The following DPP10 variants were observed in gnomAD, a reference collection of about 807,000 sequenced individuals.
The protein encoded by DPP10 is inactive dipeptidyl peptidase 10.
In DPP10, 33 loss-of-function variants were observed where a neutral mutation model predicts 120.9. The ratio of observed to expected loss-of-function variants is 0.27; its 90% confidence interval spans 0.21 to 0.37. DPP10 has a LOEUF of 0.37. Among genes scored for constraint, DPP10 ranks in the 10% least tolerant of loss-of-function variants. The pLI is 1.00. For synonymous variants in DPP10, 337 were observed against 326.1 expected, an observed-to-expected ratio of 1.03 and a Z score of -0.36; for missense variants, 816 against 942.8, an observed-to-expected ratio of 0.87 and a Z score of 1.76.
Position 114,805,816 on chromosome 2 carries a change from G to C in DPP10, c.60+362978G>C, listed in dbSNP as rs1283515286. Among the ~76,000 whole-genome samples, 7 of 152,124 alleles carry C rather than the reference G, an allele frequency of 4.6e-5. No individual in the cohort carries two copies. The South Asian group carries it at 6.2e-4, about 14-fold the overall frequency. On this transcript the variant is annotated intron_variant, in intron 1 of 25. Transcript: ENST00000410059. ...GGACAATTAAATGCTTGACCTGAAAGTGACACATTGCACTTTCACTTACAA... is the reference window on the plus strand; with the variant it reads ...GGACAATTAAATGCTTGACCTGAAACTGACACATTGCACTTTCACTTACAA...
rs182982935 is a variant in DPP10 at position 115,672,952 on chromosome 2, C to T, written c.442-16735C>T. On this transcript the variant is annotated intron_variant, in intron 5 of 25. Transcript: ENST00000410059. ...TTAGTAGAGACTGGGTTGCACCACG[C>T]TGGCCAGGCTGGTCTCAAACTCCTG... Among the ~76,000 whole-genome samples the T allele has an allele frequency of 4.9e-3, 745 of 151,892 alleles. 4 individuals carry two copies. Among genetic ancestry groups the T allele is most frequent in the African/African-American group, 0.017 (701 of 41,432 alleles).
intron 2 of DPP10, among the ~76,000 whole-genome samples, chr2:115,317,688 G>A (rs1229931317): frequency 7.4e-5 from 11 of 147,782 alleles, no homozygotes; most frequent in African/African-American, 2.5e-4. Flanking sequence ...TATCTCATTT[G>A]GTTTTAATTT....
intron 1 of DPP10, among the ~76,000 whole-genome samples, chr2:114,848,653 T>C (rs1179825506): frequency 6.6e-6 from 1 of 152,204 alleles, no homozygotes; most frequent in East Asian, 1.9e-4. Context: ...ATGAAGTTAC[T>C]GTGATACATA....
At chr2:114,743,308 A>C (rs1306266911) in intron 1 of DPP10, among the ~76,000 whole-genome samples, 1 of 152,200 alleles carries the variant, frequency 6.6e-6, no homozygotes, top group African/African-American at 2.4e-5. Context: ...CTTCGGGAAG[A>C]AGGCAATATC....
chr2:115,192,274 T>C (rs572071776), intron 1 of DPP10, among the ~76,000 whole-genome samples: 51 of 152,372 alleles, frequency 3.3e-4, no homozygotes, highest in African/African-American at 1.2e-3. Context: ...TGGTCTACTA[T>C]TACTAATAAA....
At chr2:115,720,695 G>T (rs1000531750) in intron 7 of DPP10, among the ~76,000 whole-genome samples, 1 of 152,072 alleles carries the variant, frequency 6.6e-6, no homozygotes, top group Non-Finnish European at 1.5e-5. Context: ...TTTCACTGAA[G>T]AATTTCCATG....
chr2:114,775,027 C>T (rs569264022), intron 1 of DPP10, among the ~76,000 whole-genome samples: 5 of 152,026 alleles, frequency 3.3e-5, no homozygotes, highest in Admixed American at 6.6e-5. Context: ...GATAACCCAA[C>T]CAGTAAGTGG....
chr2:114,769,453 G>A (rs1381536645), intron 1 of DPP10, among the ~76,000 whole-genome samples: 2 of 152,192 alleles, frequency 1.3e-5, no homozygotes, highest in African/African-American at 4.8e-5. Flanking sequence ...AGGGAAGCTA[G>A]CATCAGTGAG....
intron 2 of DPP10, among the ~76,000 whole-genome samples, chr2:115,334,931 T>G (rs2063031095): frequency 6.6e-6 from 1 of 151,678 alleles, no homozygotes; most frequent in Admixed American, 6.6e-5. Context: ...TTTTTTTTGG[T>G]TCTACTACTG....
intron 1 of DPP10, among the ~76,000 whole-genome samples, chr2:114,512,727 A>G (rs1201310349): frequency 1.3e-5 from 2 of 152,190 alleles, no homozygotes; most frequent in Non-Finnish European, 2.9e-5. Flanking sequence ...GTCATCACCA[A>G]AGCATGAGCA....
intron 5 of DPP10, among the ~76,000 whole-genome samples, chr2:115,673,603 G>A (rs1456520603): frequency 2.6e-5 from 4 of 152,142 alleles, no homozygotes; most frequent in Non-Finnish European, 5.9e-5. Context: ...AATATCTCCT[G>A]ATACATTTCT....
intron 1 of DPP10, among the ~76,000 whole-genome samples, chr2:114,755,876 A>G (rs186533500): frequency 1.7e-3 from 252 of 151,756 alleles, no homozygotes; most frequent in African/African-American, 5.9e-3. Flanking sequence ...TTTAAGACCA[A>G]TTGAAGTCAA....
chr2:114,775,892 TATCA>T (rs1407703749), intron 1 of DPP10, among the ~76,000 whole-genome samples: 54 of 152,262 alleles, frequency 3.5e-4, no homozygotes, highest in Non-Finnish European at 6.8e-4. Flanking sequence ...CTCAAGGAAC[TATCA>T]CTTTGGGTGA....
At chr2:115,425,085 A>C (rs1315443455) in intron 3 of DPP10, among the ~76,000 whole-genome samples, 2 of 152,206 alleles carry the variant, frequency 1.3e-5, no homozygotes, top group African/African-American at 4.8e-5. Flanking sequence ...AAGTTCATAA[A>C]AAGGAAAAAG....
intron 5 of DPP10, among the ~76,000 whole-genome samples, chr2:115,566,551 G>A (rs114245698): frequency 0.011 from 1,721 of 152,122 alleles, 36 homozygotes; most frequent in African/African-American, 0.039. Context: ...TGGCCAGTGG[G>A]ATCCAGTTCA....
chr2:115,286,214 T>C (rs1333290546), intron 1 of DPP10, among the ~76,000 whole-genome samples: 1 of 151,638 alleles, frequency 6.6e-6, no homozygotes, highest in African/African-American at 2.4e-5. Flanking sequence ...GCAATGGTTT[T>C]TAATAACATT....
At chr2:115,288,339 A>T (rs2105911753) in intron 1 of DPP10, among the ~76,000 whole-genome samples, 1 of 152,056 alleles carries the variant, frequency 6.6e-6, no homozygotes, top group Middle Eastern at 3.4e-3. Context: ...CTTTTGAGAA[A>T]TATCTGTTCA....
intron 3 of DPP10, among the ~76,000 whole-genome samples, chr2:115,431,309 T>G (rs1216289185): frequency 6.6e-6 from 1 of 152,066 alleles, no homozygotes; most frequent in Non-Finnish European, 1.5e-5. Flanking sequence ...GAGCATCGGT[T>G]TGAGTAACAA....
chr2:115,658,382 G>C (rs754665461), intron 5 of DPP10, among the ~76,000 whole-genome samples: 1 of 151,348 alleles, frequency 6.6e-6, no homozygotes, highest in Non-Finnish European at 1.5e-5. Flanking sequence ...AGGTCAACTT[G>C]ACAACCCCTT....
Sources: allele counts gnomAD v4.1 joint callset (sites outside exome capture counted in the v4.1 genomes callset), GRCh38; gene constraint gnomAD v4.1.1; transcripts MANE v1.5; gene names NCBI Gene and HGNC (gene_info 2026-07-23, HGNC 2026-07-21).